Variants in NAA25 observed in about 807,000 individuals in gnomAD.
NAA25 encodes N-alpha-acetyltransferase 25, NatB auxiliary subunit.
A neutral mutation model predicts 132.5 loss-of-function variants in NAA25; 30 were observed. The observed-to-expected ratio is 0.23, with a 90% CI of 0.17 to 0.31. The LOEUF is 0.31. Ranked by LOEUF, NAA25 falls within the 10% of genes least tolerant of loss-of-function variation. NAA25 has a pLI of 1.00. For synonymous variants in NAA25, 359 were observed against 401.9 expected (o/e 0.89, Z 1.28); for missense variants, 771 against 1,150.4 (o/e 0.67, Z 4.77).
At chr12:112,074,341 C>CAAAAAAAA (rs34077129) in intron 9 of NAA25, among the ~76,000 whole-genome samples, 2 of 34,898 alleles carry the variant, frequency 5.7e-5, no homozygotes, top group African/African-American at 1.0e-4. Flanking sequence ...AACTCCATCT[C>CAAAAAAAA]AAAAAAAAAA....
chr12:112,087,885 G>C, intron 3 of NAA25, 84 bp from the exon 4 acceptor site: 1 of 842,604 alleles, frequency 1.2e-6, no homozygotes, highest in Non-Finnish European at 2.0e-6. Flanking sequence ...GGCAGAAATA[G>C]ATGTCTCCTA....
chr12:112,052,935 C>CGTA (rs2078488539), intron 15 of NAA25, among the ~76,000 whole-genome samples: 1 of 152,170 alleles, frequency 6.6e-6, no homozygotes, highest in African/African-American at 2.4e-5. Context: ...GAGTACAGAC[C>CGTA]GTATGGTTTT....
intron 20 of NAA25, among the ~76,000 whole-genome samples, chr12:112,041,637 C>G (rs1451410989): frequency 6.6e-6 from 1 of 151,876 alleles, no homozygotes; most frequent in African/African-American, 2.4e-5. Context: ...CAATTTGTCC[C>G]AAGATATTCA....
intron 4 of NAA25, among the ~76,000 whole-genome samples, chr12:112,082,816 G>A (rs1159884439): frequency 1.3e-5 from 2 of 151,824 alleles, no homozygotes; most frequent in South Asian, 2.1e-4. Context: ...GTGTGGTAAC[G>A]ATACATATAA....
intron 4 of NAA25, among the ~76,000 whole-genome samples, chr12:112,086,071 T>TACACAC (rs71083199): frequency 5.8e-4 from 31 of 53,638 alleles, no homozygotes; most frequent in African/African-American, 3.7e-3. Context: ...TATATATATA[T>TACACAC]ATACACACAC....
At chr12:112,106,032 A>G (rs988617494) in intron 1 of NAA25, among the ~76,000 whole-genome samples, 7 of 152,216 alleles carry the variant, frequency 4.6e-5, no homozygotes, top group Admixed American at 1.3e-4. Context: ...TTAAACAACA[A>G]AAGTGTGGAG....
chr12:112,090,119 C>T (rs959641044), intron 3 of NAA25, among the ~76,000 whole-genome samples: 4 of 152,100 alleles, frequency 2.6e-5, no homozygotes, highest in Non-Finnish European at 4.4e-5. Flanking sequence ...GTTTTAGCCA[C>T]TACGCCTGGC....
chr12:112,076,832 C>T (rs903846895), intron 7 of NAA25, among the ~76,000 whole-genome samples: 10 of 151,636 alleles, frequency 6.6e-5, no homozygotes, highest in African/African-American at 2.4e-4. Context: ...CCCACCTCTA[C>T]AAAAAATATA....
At chr12:112,036,716 C>T (rs2078227791) in intron 22 of NAA25, among the ~76,000 whole-genome samples, 2 of 151,844 alleles carry the variant, frequency 1.3e-5, no homozygotes, top group African/African-American at 2.4e-5. Flanking sequence ...GGGAGAGCGG[C>T]ATCTGCCTGT....
chr12:112,069,828 A>T (rs567574194), intron 10 of NAA25, among the ~76,000 whole-genome samples: 1 of 140,980 alleles, frequency 7.1e-6, no homozygotes, highest in Non-Finnish European at 1.5e-5. Flanking sequence ...TCAAAAAAAA[A>T]AACAAAACTG....
intron 2 of NAA25, among the ~76,000 whole-genome samples, chr12:112,092,762 C>T (rs1045940442): frequency 6.6e-5 from 10 of 151,872 alleles, no homozygotes; most frequent in Non-Finnish European, 1.5e-4. Flanking sequence ...ACTGCAACCT[C>T]CACCTCCTGG....
At chr12:112,069,507 T>A (rs2078771013) in intron 10 of NAA25, among the ~76,000 whole-genome samples, 1 of 151,466 alleles carries the variant, frequency 6.6e-6, no homozygotes, top group Non-Finnish European at 1.5e-5. Flanking sequence ...CATTCAAAAA[T>A]TAAATTAAAT....
chr12:112,044,740 A>T (rs919023600), intron 17 of NAA25, among the ~76,000 whole-genome samples: 1 of 151,730 alleles, frequency 6.6e-6, no homozygotes, highest in South Asian at 2.1e-4. Flanking sequence ...TTGTTCTCTG[A>T]TTATAAAAAT....
At chr12:112,047,625 CAA>C in intron 17 of NAA25, 38 bp downstream of exon 17, 1 of 1,599,816 alleles carries the variant, frequency 6.3e-7, no homozygotes, top group South Asian at 1.1e-5. Flanking sequence ...AAAAAACAAA[CAA>C]AAACTTTAAA....
At chr12:112,079,431 A>C (rs2078938799) in intron 5 of NAA25, among the ~76,000 whole-genome samples, 1 of 152,090 alleles carries the variant, frequency 6.6e-6, no homozygotes, top group South Asian at 2.1e-4. Context: ...ACTGAAAAAT[A>C]ATTTAAAAAA....
chr12:112,108,532 C>A (rs2079400271), intron 1 of NAA25, among the ~76,000 whole-genome samples, 184 bp downstream of exon 1: 1 of 151,914 alleles, frequency 6.6e-6, no homozygotes, highest in African/African-American at 2.4e-5. Flanking sequence ...CACCCCAAGG[C>A]TGAGGAAGGT....
Position 112,049,078 on chromosome 12 carries a change from C to G in NAA25, c.1729-635G>C, listed in dbSNP as rs1480170950. Among the ~76,000 whole-genome samples the G allele has an allele frequency of 6.6e-6, 1 of 152,214 alleles. No homozygotes were observed. Among genetic ancestry groups the G allele is most frequent in the East Asian group, 1.9e-4 (1 of 5,202 alleles). Reference sequence around the variant, plus strand: ...TTCAAGAACCAAGTTTCTTGTCCATCTACATTACGTAAGACCTCTGCTGGA... The same window carrying G: ...TTCAAGAACCAAGTTTCTTGTCCATGTACATTACGTAAGACCTCTGCTGGA... On this transcript the variant is annotated intron_variant, in intron 15 of 23. Transcript: ENST00000261745. This position sits in a 1 kb window ranked among gnomAD's most constrained non-coding sequence, Gnocchi z 4.7.
At chr12:112,057,796 A>G (rs1371069312) in intron 13 of NAA25, among the ~76,000 whole-genome samples, 1 of 152,196 alleles carries the variant, frequency 6.6e-6, no homozygotes, top group East Asian at 1.9e-4. Flanking sequence ...CCTGGCCAAC[A>G]TGGTGAAACC....
intron 1 of NAA25, among the ~76,000 whole-genome samples, chr12:112,107,236 G>C (rs760597697): frequency 6.6e-6 from 1 of 152,040 alleles, no homozygotes; most frequent in Non-Finnish European, 1.5e-5. Context: ...CTCCAACCTG[G>C]ACGACAGAGT....
Sources: gnomAD v4.1 joint callset for allele counts (sites outside exome capture counted in the v4.1 genomes callset) on GRCh38, gnomAD v4.1.1 for gene constraint, Gnocchi (gnomAD v3.1) non-coding constraint, MANE v1.5 for transcripts, NCBI Gene and HGNC (gene_info 2026-07-23, HGNC 2026-07-21) for gene names.